MTUS2: variants seen among roughly 807,000 people sequenced by gnomAD.
The protein encoded by MTUS2 is microtubule associated scaffold protein 2.
In MTUS2, 40 loss-of-function variants were observed where a neutral mutation model predicts 114.1. That is an observed-to-expected ratio of 0.35 (90% CI 0.27 to 0.46). The LOEUF (loss-of-function observed/expected upper bound fraction) is 0.46. Ranked by LOEUF, MTUS2 falls within the 20% of genes least tolerant of loss-of-function variation. The pLI is 1.00. For missense variants in MTUS2, 1,679 were observed against 1,705.4 expected (o/e 0.98, Z 0.27); for synonymous variants, 688 against 672.0 (o/e 1.02, Z -0.37).
chr13:29,081,428 G>A (rs1336601895), intron 4 of MTUS2, among the ~76,000 whole-genome samples: 1 of 151,896 alleles, frequency 6.6e-6, no homozygotes, highest in Non-Finnish European at 1.5e-5. Flanking sequence ...AAGCCCTTAT[G>A]GTGCTCTATG....
intron 2 of MTUS2, among the ~76,000 whole-genome samples, chr13:29,018,968 G>A (rs1272704969): frequency 6.6e-6 from 1 of 152,012 alleles, no homozygotes; most frequent in Non-Finnish European, 1.5e-5. Context: ...TGAGCCTTAG[G>A]TTTTTTAAAG....
chr13:29,025,332 G>A lies in MTUS2; in HGVS notation c.634G>A (p.Gly212Ser). The A allele has an allele frequency of 6.2e-7, 1 of 1,613,810 alleles. No individual in the cohort carries two copies. ...GGAAGCACGGGGTCAGATACCTGGG[G>A]GTGGGGAGGGGCCACAGAAGACATT... Reference protein sequence around the residue: ...SREARGQIPGGGEGPQKTLPD... With the variant: ...SREARGQIPGSGEGPQKTLPD... Residue 212 changes from glycine to serine, a missense_variant, in exon 3 of 16, where the codon GGT (glycine) becomes AGT (serine). By Grantham distance (56) the Gly-to-Ser change is moderately conservative. Transcript: ENST00000612955.
At chr13:29,457,136 C>A (rs948619608) in intron 9 of MTUS2, among the ~76,000 whole-genome samples, 1 of 146,898 alleles carries the variant, frequency 6.8e-6, no homozygotes, top group Non-Finnish European at 1.5e-5. Flanking sequence ...CAGCGAGACT[C>A]CATTCAAAAA....
intron 9 of MTUS2, among the ~76,000 whole-genome samples, chr13:29,451,649 A>G (rs900223713): frequency 6.6e-6 from 1 of 151,908 alleles, no homozygotes; most frequent in African/African-American, 2.4e-5. Context: ...CAGTGGCACA[A>G]TCTCAGCTTA....
At chr13:29,353,273 G>A (rs1443682825) in intron 7 of MTUS2, among the ~76,000 whole-genome samples, 1 of 152,008 alleles carries the variant, frequency 6.6e-6, no homozygotes, top group Non-Finnish European at 1.5e-5. Flanking sequence ...TGGCTCAACC[G>A]ATCCTCCCAC....
chr13:29,370,324 TG>T (rs1188581779), intron 8 of MTUS2, among the ~76,000 whole-genome samples: 1 of 152,048 alleles, frequency 6.6e-6, no homozygotes, highest in Non-Finnish European at 1.5e-5. Flanking sequence ...CGGCTGGGTG[TG>T]GTGGTGTGCA....
Position 29,137,628 on chromosome 13 carries a change from T to C in MTUS2, c.2644+36658T>C, listed in dbSNP as rs995164302. Among the ~76,000 whole-genome samples the C allele has an allele frequency of 4.0e-4, 60 of 151,786 alleles. 1 individual carries two copies. Among genetic ancestry groups the C allele is most frequent in the African/African-American group, 1.4e-3 (58 of 41,388 alleles). ...CTTCTTCCTTCTTTCTTCTTTCTTCTTTTTTTTGAGACAAGTCTCACCCTG... is the reference window on the plus strand; with the variant it reads ...CTTCTTCCTTCTTTCTTCTTTCTTCCTTTTTTTGAGACAAGTCTCACCCTG... On this transcript the variant is annotated intron_variant, in intron 5 of 15. Transcript: ENST00000612955.
chr13:29,293,558 A>G (rs1321374163), intron 6 of MTUS2, among the ~76,000 whole-genome samples: 1 of 152,144 alleles, frequency 6.6e-6, no homozygotes, highest in African/African-American at 2.4e-5. Context: ...TTATGTGACA[A>G]GTAATCCAGT....
At chr13:29,284,615 G>T (rs2139553109) in intron 6 of MTUS2, among the ~76,000 whole-genome samples, 1 of 152,258 alleles carries the variant, frequency 6.6e-6, no homozygotes, top group South Asian at 2.1e-4. Context: ...CCCGTTGATG[G>T]CATAACCACA....
At chr13:28,860,275 G>A (rs1839453609) in intron 2 of MTUS2, among the ~76,000 whole-genome samples, 1 of 152,160 alleles carries the variant, frequency 6.6e-6, no homozygotes, top group Admixed American at 6.5e-5. Flanking sequence ...GGAGAAATGA[G>A]GCAGCATTTC....
rs375273405 is a variant in MTUS2, at chr13:28,916,980, A to G, written c.-243+77130A>G. Among the ~76,000 whole-genome samples, 13 of 151,842 alleles carry G rather than the reference A, an allele frequency of 8.6e-5. No homozygotes were observed. In the East Asian group the frequency reaches 1.2e-3, roughly 14 times the overall value. ...TTTTGAGGGTTTTTATCATGAAGGG[A>G]TGTTGAATTTTATCAAATACATATT... On this transcript the variant is annotated intron_variant, in intron 2 of 15. Transcript: ENST00000612955.
intron 6 of MTUS2, among the ~76,000 whole-genome samples, chr13:29,301,573 G>A (rs1273050836): frequency 5.9e-5 from 9 of 152,198 alleles, no homozygotes; most frequent in Admixed American, 5.9e-4. Flanking sequence ...ATGGCATGGG[G>A]AACAAGGAAT....
At chr13:29,202,723 T>G (rs1277814682) in intron 5 of MTUS2, among the ~76,000 whole-genome samples, 4 of 152,228 alleles carry the variant, frequency 2.6e-5, no homozygotes, top group African/African-American at 9.6e-5. Context: ...TGTTATGCTA[T>G]TCCTTTCTGT....
intron 2 of MTUS2, among the ~76,000 whole-genome samples, chr13:28,919,652 A>C (rs1197249349): frequency 6.6e-6 from 1 of 152,164 alleles, no homozygotes; most frequent in Admixed American, 6.5e-5. Context: ...CCCTTTGAAT[A>C]AACTTTCTAC....
chr13:28,888,016 C>T (rs1392685778), intron 2 of MTUS2, among the ~76,000 whole-genome samples: 1 of 152,184 alleles, frequency 6.6e-6, no homozygotes, highest in Non-Finnish European at 1.5e-5. Flanking sequence ...GTTGGCCATC[C>T]AGTCGCATAG....
At chr13:29,201,979 G>A (rs1314057196) in intron 5 of MTUS2, among the ~76,000 whole-genome samples, 1 of 152,130 alleles carries the variant, frequency 6.6e-6, no homozygotes, top group African/African-American at 2.4e-5. Context: ...ACGATTATGT[G>A]TCTTGGGGTT....
chr13:28,899,943 A>G (rs1304095924), intron 2 of MTUS2, among the ~76,000 whole-genome samples: 2 of 152,186 alleles, frequency 1.3e-5, no homozygotes, highest in East Asian at 1.9e-4. Flanking sequence ...GCTGGAGTGC[A>G]ACGGCAGGAT....
intron 2 of MTUS2, among the ~76,000 whole-genome samples, chr13:28,925,776 C>A (rs569518029): frequency 8.5e-5 from 13 of 152,308 alleles, no homozygotes; most frequent in African/African-American, 2.9e-4. Context: ...CTCAATGGAA[C>A]AATATATGCA....
At chr13:29,120,559 C>T (rs1367872156) in intron 5 of MTUS2, among the ~76,000 whole-genome samples, 1 of 152,020 alleles carries the variant, frequency 6.6e-6, no homozygotes, top group Non-Finnish European at 1.5e-5. Context: ...ATTTTCTAAA[C>T]ATGGAGCATG....
Sources: gnomAD v4.1 joint callset for allele counts (sites outside exome capture counted in the v4.1 genomes callset) on GRCh38, gnomAD v4.1.1 for gene constraint, MANE v1.5 for transcripts, NCBI Gene and HGNC (gene_info 2026-07-23, HGNC 2026-07-21) for gene names.